NACC1: variants seen among roughly 807,000 people sequenced by gnomAD.
NACC1 encodes the protein nucleus accumbens-associated protein 1.
In NACC1, 6 loss-of-function variants were observed where a neutral mutation model predicts 41.7. That is an observed-to-expected ratio of 0.14 (90% confidence interval 0.08 to 0.28). The LOEUF (loss-of-function observed/expected upper bound fraction) is 0.28, where lower values mean the gene tolerates loss of function less well. Among genes scored for constraint, NACC1 ranks in the 10% least tolerant of loss-of-function variants. NACC1 has a pLI of 1.00. For missense variants in NACC1, 434 were observed against 763.7 expected (o/e 0.57, Z 5.09); for synonymous variants, 338 against 330.6 (o/e 1.02, Z -0.24).
In NACC1 at chr19:13,137,440, A is replaced by C; in HGVS notation, c.1227-38A>C. The C allele has an allele frequency of 6.2e-7, 1 of 1,611,406 alleles. No homozygotes were observed. The highest frequency in any genetic ancestry group is 8.5e-7 in the Non-Finnish European group (1 of 1,178,812). On this transcript the variant is annotated intron_variant, in intron 4 of 5. Transcript: ENST00000292431. This position sits in a 1 kb window ranked among gnomAD's most constrained non-coding sequence, Gnocchi z 6.1. ...TTTCCCCATGTCCCCCCCACCACCA[A>C]CTTGAGCGCTGACTCCCTCCATGTC...
rs2019776299 is a variant in NACC1, at chr19:13,140,609, G to A, written c.*2203G>A. 6.7e-6 allele frequency: 1 copy of A among 149,584 alleles called. No homozygotes were observed. Among genetic ancestry groups the A allele is most frequent in the Admixed American group, 6.6e-5 (1 of 15,040 alleles). The allele number at this position is 149,584 out of a possible 1,614,324, so 9.3% of individuals were successfully genotyped here. ...GAGGTGCCCCCTGGCTCCCAGGACT[G>A]TGTGTGGGTCCGGGGGGTGGGGGGG... is the stretch of plus-strand genomic sequence containing the variant. On this transcript the variant is annotated 3_prime_UTR_variant, in exon 6 of 6. Transcript: ENST00000292431. This position sits in a 1 kb window ranked among gnomAD's most constrained non-coding sequence, Gnocchi z 4.0.
At chr19:13,128,369 G>C (rs897201314) in intron 1 of NACC1, among the ~76,000 whole-genome samples, 1 of 152,182 alleles carries the variant, frequency 6.6e-6, no homozygotes, top group Admixed American at 6.5e-5. Context: ...TCAGGTTCTG[G>C]TGAGGGCTCT....
At chr19:13,129,182 A>T (rs2019600424) in intron 1 of NACC1, among the ~76,000 whole-genome samples, 1 of 152,116 alleles carries the variant, frequency 6.6e-6, no homozygotes, top group Admixed American at 6.5e-5. Context: ...GCTGCAGTAG[A>T]GGAGGACCAG....
Position 13,136,672 on chromosome 19 carries a change from G to A in NACC1, c.1120+267G>A, listed in dbSNP as rs979863861. 2.6e-5 allele frequency among the ~76,000 whole-genome samples: 4 copies of A among 152,150 alleles called. No individual in the cohort carries two copies. Among genetic ancestry groups the A allele is most frequent in the Admixed American group, 6.5e-5 (1 of 15,280 alleles). ...CGCATGGGTAGATTAGCTACTTCCC[G>A]GGCTCCTGTGAAGGCCAGCTACTAC... is the stretch of plus-strand genomic sequence containing the variant. On this transcript the variant is annotated intron_variant, in intron 3 of 5. Coordinates refer to ENST00000292431, the MANE Select transcript of NACC1 (RefSeq NM_052876.4). The surrounding 1 kb of genome is among the most constrained non-coding windows in gnomAD (Gnocchi z 5.5).
At chr19:13,135,078 T>C in intron 1 of NACC1, 122 bp from the exon 2 acceptor site, 1 of 1,425,608 alleles carries the variant, frequency 7.0e-7, no homozygotes, top group Non-Finnish European at 9.2e-7. Context: ...GTAGATTCCA[T>C]CGTGCGGATG....
chr19:13,126,292 C>T (rs1260232483), intron 1 of NACC1, among the ~76,000 whole-genome samples: 2 of 152,122 alleles, frequency 1.3e-5, no homozygotes, highest in Non-Finnish European at 2.9e-5. Context: ...ACCTCGTGAT[C>T]CGCCCTCCTC....
Position 13,138,373 on chromosome 19 carries a change from C to T in NACC1, c.1551C>T (p.Gly517=), listed in dbSNP as rs1218561289. The part of the protein sequence containing the change: ...EHGFETASHE[G]EAGPSAEALQ Reference sequence around the variant, plus strand: ...GCTTCGAGACCGCCAGCCACGAGGGCGAGGCGGGTCCCTCGGCTGAAGCCC... The same window carrying T: ...GCTTCGAGACCGCCAGCCACGAGGGTGAGGCGGGTCCCTCGGCTGAAGCCC... The change falls in exon 6 of 6, where the codon GGC becomes GGT. Residue 517 remains glycine (G), a synonymous_variant. Coordinates refer to ENST00000292431, the MANE Select transcript of NACC1 (RefSeq NM_052876.4). This position sits in a 1 kb window ranked among gnomAD's most constrained non-coding sequence, Gnocchi z 5.7. 9.3e-6 allele frequency: 15 copies of T among 1,612,766 alleles called. No individual in the cohort carries two copies. The highest frequency in any genetic ancestry group is 5.0e-5 in the Admixed American group (3 of 60,002).
intron 1 of NACC1, chr19:13,132,543 A>T (rs1183544543): frequency 2.0e-5 from 3 of 151,748 alleles, no homozygotes; most frequent in African/African-American, 2.4e-5. Flanking sequence ...TTTCCACATG[A>T]CCTCAGTTTT....
intron 1 of NACC1, among the ~76,000 whole-genome samples, chr19:13,126,697 G>A (rs2019567059): frequency 6.6e-6 from 1 of 152,188 alleles, no homozygotes; most frequent in Non-Finnish European, 1.5e-5. Context: ...AGCTGTCAAA[G>A]GAGGTCGTCT....
At chr19:13,127,558 G>A (rs1411588448) in intron 1 of NACC1, among the ~76,000 whole-genome samples, 1 of 151,360 alleles carries the variant, frequency 6.6e-6, no homozygotes, top group Non-Finnish European at 1.5e-5. Context: ...AGGCATGGTG[G>A]TGGTTACCTT....
chr19:13,123,426 G>A (rs568849506), intron 1 of NACC1, among the ~76,000 whole-genome samples: 1 of 152,292 alleles, frequency 6.6e-6, no homozygotes, highest in East Asian at 1.9e-4. Flanking sequence ...CCAGATTGCC[G>A]AGGGCTGCGA....
chr19:13,128,632 G>A (rs1399501274), intron 1 of NACC1, among the ~76,000 whole-genome samples: 2 of 152,190 alleles, frequency 1.3e-5, no homozygotes, highest in South Asian at 2.1e-4. Context: ...CAGCTCCAGT[G>A]TCACCCCTTC....
chr19:13,123,295 G>A (rs1439378047), intron 1 of NACC1, among the ~76,000 whole-genome samples: 5 of 152,182 alleles, frequency 3.3e-5, no homozygotes, highest in Admixed American at 2.6e-4. Context: ...TAACTCCGAA[G>A]GGTGGGCTTA....
intron 1 of NACC1, among the ~76,000 whole-genome samples, chr19:13,123,665 C>G (rs757538406): frequency 1.5e-4 from 23 of 152,162 alleles, no homozygotes; most frequent in Non-Finnish European, 2.8e-4. Flanking sequence ...GAGGACACAT[C>G]CAGTAGCTCA....
chr19:13,129,006 G>A (rs1187210503), intron 1 of NACC1, among the ~76,000 whole-genome samples: 1 of 152,172 alleles, frequency 6.6e-6, no homozygotes, highest in Non-Finnish European at 1.5e-5. Context: ...CTGCCCTTGG[G>A]GAGTTTATAG....
intron 1 of NACC1, among the ~76,000 whole-genome samples, chr19:13,119,911 C>T (rs532235055): frequency 3.9e-5 from 6 of 152,250 alleles, no homozygotes; most frequent in African/African-American, 1.4e-4. Flanking sequence ...AGCTGAGGCT[C>T]GGGGTGGTGT....
chr19:13,134,164 A>AC (rs756694520), intron 1 of NACC1, among the ~76,000 whole-genome samples: 2 of 151,424 alleles, frequency 1.3e-5, no homozygotes, highest in South Asian at 2.1e-4. Context: ...CAACAGATCC[A>AC]CCCCCCACCA....
rs1196057386 is a variant in NACC1, at chr19:13,136,240, G to T, written c.955G>T (p.Val319Leu). The T allele has an allele frequency of 6.2e-7, 1 of 1,612,854 alleles. No individual in the cohort carries two copies. Among genetic ancestry groups the T allele is most frequent in the South Asian group, 1.1e-5 (1 of 90,968 alleles). ...CCACTCTCTCCCTGCAGCCGAGAAG[G>T]TGGAGGCCCTCCCGGAGCAGGTAGC... ...MMNVGQTAEK[V>L]EALPEQVAPE... is the part of the protein sequence containing the mutation. The change falls in exon 3 of 6, where the codon GTG becomes TTG. Residue 319 changes from valine (V) to leucine (L), a missense_variant. Transcript: ENST00000292431. This position sits in a 1 kb window ranked among gnomAD's most constrained non-coding sequence, Gnocchi z 5.5.
intron 1 of NACC1, among the ~76,000 whole-genome samples, chr19:13,130,535 CTTTTT>C (rs34032574): frequency 7.8e-6 from 1 of 128,598 alleles, no homozygotes; most frequent in Non-Finnish European, 1.7e-5. Context: ...TTTTTCTTTT[CTTTTT>C]TTTTTTTTTT....
Sources: allele counts gnomAD v4.1 joint callset (sites outside exome capture counted in the v4.1 genomes callset), GRCh38; gene constraint gnomAD v4.1.1; non-coding constraint Gnocchi (gnomAD v3.1); transcripts MANE v1.5; gene names NCBI Gene and HGNC (gene_info 2026-07-23, HGNC 2026-07-21).